The following TXNRD3 variants were observed in gnomAD, a reference collection of about 807,000 sequenced individuals.
TXNRD3 encodes thioredoxin reductase 3, also known as TXNRD3 neighbor gene protein.
TXNRD3 carries 68 observed loss-of-function variants against 78.2 expected under a neutral mutation model. The observed-to-expected ratio is 0.87, with a 90% CI of 0.72 to 1.06. The LOEUF (loss-of-function observed/expected upper bound fraction) is 1.06. TXNRD3 is among the 50% of genes least tolerant of loss of function. The pLI is 0.00. For synonymous variants in TXNRD3, 296 were observed against 300.1 expected (o/e 0.99, Z 0.14); for missense variants, 751 against 809.5 (o/e 0.93, Z 0.88).
chr3:126,654,142 A>G (rs1040829207), intron 1 of TXNRD3, among the ~76,000 whole-genome samples: 7 of 152,204 alleles, frequency 4.6e-5, no homozygotes, highest in Admixed American at 4.6e-4. Flanking sequence ...TATATGCATA[A>G]TATATGTTTT....
chr3:126,644,231 A>T, intron 4 of TXNRD3, 66 bp downstream of exon 4: 1 of 1,410,516 alleles, frequency 7.1e-7, no homozygotes, highest in Admixed American at 2.2e-5. Context: ...TTTTTTAAGT[A>T]GCAGAAGAAA....
chr3:126,653,763 G>A (rs889606844), intron 1 of TXNRD3, among the ~76,000 whole-genome samples: 6 of 152,140 alleles, frequency 3.9e-5, no homozygotes, highest in African/African-American at 1.4e-4. Context: ...TAAACATATA[G>A]CTGTACTGTT....
chr3:126,627,488 T>A (rs2107617283), intron 10 of TXNRD3, among the ~76,000 whole-genome samples: 1 of 152,338 alleles, frequency 6.6e-6, no homozygotes, highest in Admixed American at 6.5e-5. Flanking sequence ...AACGTGGACA[T>A]CTGTCAAAAC....
At chr3:126,638,129 G>C (rs1472292313) in intron 6 of TXNRD3, among the ~76,000 whole-genome samples, 1 of 151,570 alleles carries the variant, frequency 6.6e-6, no homozygotes, top group Non-Finnish European at 1.5e-5. Context: ...ATTTTTAGTA[G>C]AGACAGGGTT....
chr3:126,608,629 C>A lies in TXNRD3; in HGVS notation c.1733G>T (p.Arg578Leu). ...TCCAAGAATATGAAATCCTATCACCCGATCCTTTAATACAGAAACAAAACA... is the reference window on the plus strand; with the variant it reads ...TCCAAGAATATGAAATCCTATCACCAGATCCTTTAATACAGAAACAAAACA... The change falls in exon 15 of 16, where the codon CGG (arginine) becomes CTG (leucine). Residue 578 changes from arginine to leucine, a missense_variant. Arg to Leu is a moderately radical substitution (Grantham distance 102, BLOSUM62 -2). Coordinates refer to ENST00000524230, the MANE Select transcript of TXNRD3 (RefSeq NM_052883.3). 4 of 1,534,750 alleles carry A rather than the reference C, an allele frequency of 2.6e-6. No individual in the cohort carries two copies. The highest frequency in any genetic ancestry group is 3.5e-6 in the Non-Finnish European group (4 of 1,146,378).
intron 1 of TXNRD3, among the ~76,000 whole-genome samples, chr3:126,654,139 A>G (rs1165602336): frequency 6.6e-6 from 1 of 152,222 alleles, no homozygotes; most frequent in African/African-American, 2.4e-5. Context: ...ATATATATGC[A>G]TAATATATGT....
intron 12 of TXNRD3, among the ~76,000 whole-genome samples, chr3:126,618,638 G>C (rs147894384): frequency 3.4e-4 from 51 of 152,168 alleles, no homozygotes; most frequent in Non-Finnish European, 6.6e-4. Flanking sequence ...AAATCCTTCT[G>C]GACATTGGTC....
Position 126,633,981 on chromosome 3 carries a change from C to T in TXNRD3, c.783G>A (p.Arg261=). The T allele has an allele frequency of 1.3e-6, 2 of 1,527,146 alleles. No individual in the cohort carries two copies. The highest frequency in any genetic ancestry group is 1.8e-6 in the Non-Finnish European group (2 of 1,141,584). 94.6% of individuals were successfully genotyped at this position (1,527,146 alleles called of 1,614,324 possible). A position where few individuals can be genotyped will look rare whatever the true frequency, so the allele number is the denominator to read the frequency against. Residue 261 remains arginine, a synonymous_variant, in exon 7 of 16, where the codon AGG becomes AGA. Transcript: ENST00000524230. ...CCACAGCCTTTTCCCTCAGAGACAA[C>T]CTGTAGCCCCAGTTTAGAGAGCTGA...
chr3:126,610,186 T>C (rs1372935993), intron 14 of TXNRD3, among the ~76,000 whole-genome samples: 1 of 152,234 alleles, frequency 6.6e-6, no homozygotes, highest in African/African-American at 2.4e-5. Context: ...CCCTGTTTTC[T>C]GTTATACTGA....
chr3:126,633,661 A>T (rs1470117708), intron 7 of TXNRD3, among the ~76,000 whole-genome samples: 7 of 152,186 alleles, frequency 4.6e-5, no homozygotes, highest in Non-Finnish European at 1.0e-4. Context: ...CTCTTTTAAG[A>T]CGGCAATAAA....
At chr3:126,645,499 C>T (rs1250956646) in intron 3 of TXNRD3, among the ~76,000 whole-genome samples, 5 of 152,002 alleles carry the variant, frequency 3.3e-5, no homozygotes, top group African/African-American at 1.2e-4. Context: ...TTTTTCTCCA[C>T]AAAAATATAA....
At position 126,622,484 on chromosome 3, in the gene TXNRD3, A is replaced by G; in HGVS notation, c.1347T>C (p.Ile449=). ...CTTACTTCTCATTAATTTTGACACCAATCTTCTCCAAGCCTATTTTCCTTG... is the reference window on the plus strand; with the variant it reads ...CTTACTTCTCATTAATTTTGACACCGATCTTCTCCAAGCCTATTTTCCTTG... The change falls in exon 11 of 16, where the codon ATT becomes ATC. Residue 449 remains isoleucine (I), a synonymous_variant. Coordinates refer to ENST00000524230, the MANE Select transcript of TXNRD3 (RefSeq NM_052883.3). 6.5e-7 allele frequency: 1 copy of G among 1,535,606 alleles called. No individual in the cohort carries two copies. The highest frequency in any genetic ancestry group is 8.7e-7 in the Non-Finnish European group (1 of 1,146,724).
intron 14 of TXNRD3, among the ~76,000 whole-genome samples, chr3:126,610,434 A>G (rs1520846): frequency 0.59 from 89,918 of 152,032 alleles, 27,111 homozygotes; most frequent in Non-Finnish European, 0.66. Flanking sequence ...GAGGAAGGCT[A>G]TTAACCATTT....
In TXNRD3 at chr3:126,642,078, C is replaced by A; in HGVS notation, c.666G>T (p.Gln222His). The A allele has an allele frequency of 6.5e-7, 1 of 1,535,786 alleles. No homozygotes were observed. ...CAAATTTCCTTGAGTCACATAATGC[C>A]TGCCCCAAAAGGGCAGCCTGATGCA... Residue 222 changes from glutamine to histidine, a missense_variant, in exon 6 of 16, where the codon CAG becomes CAT. Gln to His is a conservative substitution (Grantham distance 24). Coordinates refer to ENST00000524230, the MANE Select transcript of TXNRD3 (RefSeq NM_052883.3).
chr3:126,633,795 G>T, intron 7 of TXNRD3, 114 bp downstream of exon 7: 3 of 649,348 alleles, frequency 4.6e-6, no homozygotes, highest in Non-Finnish European at 7.0e-6. Flanking sequence ...GTGTGTGTGT[G>T]TGTGCACGCA....
In TXNRD3 at chr3:126,621,804, G is replaced by A. The variant is rs1413401111; in HGVS notation, c.1462C>T (p.Pro488Ser). 1 of 1,535,554 alleles carries A rather than the reference G, an allele frequency of 6.5e-7. No individual in the cohort carries two copies. The highest frequency in any genetic ancestry group is 8.7e-7 in the Non-Finnish European group (1 of 1,146,762). The stretch of plus-strand genomic sequence containing the variant: ...AGCTTGCCTGACTGTATGGCGACAG[G>A]AGTGAGCTCTGGCTTATCCTCCAAA... Residue 488 changes from proline (P) to serine (S), a missense_variant, in exon 12 of 16, where the codon CCT (proline) becomes TCT (serine). Coordinates refer to ENST00000524230, the MANE Select transcript of TXNRD3 (RefSeq NM_052883.3).
In TXNRD3 at chr3:126,630,698, C is replaced by A. The variant is rs963887516; in HGVS notation, c.1197+14G>T. On this transcript the variant is annotated intron_variant, in intron 9 of 15. Transcript: ENST00000524230. ...AGTTAGAGAAAAAAAATTGCAAATG[C>A]CATGCAGCCTTACCATCACAGGTAT... 7 of 1,533,112 alleles carry A rather than the reference C, an allele frequency of 4.6e-6. No homozygotes were observed. The highest frequency in any genetic ancestry group is 5.2e-6 in the Non-Finnish European group (6 of 1,146,112). The allele number at this position is 1,533,112 out of a possible 1,614,324, so 95.0% of individuals were successfully genotyped here. A position where few individuals can be genotyped will look rare whatever the true frequency, so the allele number is the denominator to read the frequency against.
Position 126,630,764 on chromosome 3 carries a change from G to A in TXNRD3, c.1145C>T (p.Ser382Phe), listed in dbSNP as rs763992511. The A allele has an allele frequency of 2.0e-6, 3 of 1,534,510 alleles. No homozygotes were observed. The highest frequency in any genetic ancestry group is 2.6e-6 in the Non-Finnish European group (3 of 1,146,868). Residue 382 changes from serine to phenylalanine, a missense_variant, in exon 9 of 16, where the codon TCC becomes TTC. Transcript: ENST00000524230. ...CTTCACACCATGCTGCTCCATGTAGGAACCCACTTTTTCTGCCATTTCTTG... is the reference window on the plus strand; with the variant it reads ...CTTCACACCATGCTGCTCCATGTAGAAACCCACTTTTTCTGCCATTTCTTG...
chr3:126,621,713 C>T (rs1576284328), intron 12 of TXNRD3, 29 bp downstream of exon 12: 1 of 1,454,494 alleles, frequency 6.9e-7, no homozygotes, highest in Non-Finnish European at 9.0e-7. Flanking sequence ...TTGATCAGGA[C>T]ATTATCTCAA....
Sources: allele counts gnomAD v4.1 joint callset (sites outside exome capture counted in the v4.1 genomes callset), GRCh38; gene constraint gnomAD v4.1.1; transcripts MANE v1.5; gene names NCBI Gene and HGNC (gene_info 2026-07-23, HGNC 2026-07-21).